Variants in GABRB3 observed in about 807,000 individuals in gnomAD.
The protein encoded by GABRB3 is gamma-aminobutyric acid type A receptor subunit beta3, also known as gamma-aminobutyric acid receptor subunit beta-3.
Under a neutral mutation model 52.1 loss-of-function variants are expected in GABRB3, and 14 were observed. The ratio of observed to expected loss-of-function variants is 0.27; its 90% CI spans 0.18 to 0.42. GABRB3 has a LOEUF of 0.42. Among genes scored for constraint, GABRB3 ranks in the 10% least tolerant of loss-of-function variants. The pLI is 1.00. For synonymous variants in GABRB3, 260 were observed against 232.3 expected (o/e 1.12, Z -1.08); for missense variants, 307 against 609.1 (o/e 0.50, Z 5.22).
chr15:26,700,461 C>T (rs1888892128), intron 3 of GABRB3, among the ~76,000 whole-genome samples: 2 of 152,128 alleles, frequency 1.3e-5, no homozygotes, highest in Non-Finnish European at 2.9e-5. Flanking sequence ...GAACACCTCC[C>T]AGTTTATTCT....
intron 4 of GABRB3, among the ~76,000 whole-genome samples, chr15:26,617,800 A>C (rs1343621992): frequency 1.3e-5 from 2 of 152,090 alleles, no homozygotes; most frequent in Non-Finnish European, 2.9e-5. Context: ...TTAAGCTGAT[A>C]AGCAACTTCA....
At chr15:26,715,202 C>T (rs568045652) in intron 3 of GABRB3, among the ~76,000 whole-genome samples, 2 of 152,290 alleles carry the variant, frequency 1.3e-5, no homozygotes, top group Admixed American at 1.3e-4. Context: ...CCATCCCAGC[C>T]TTGGAACGAG....
intron 3 of GABRB3, among the ~76,000 whole-genome samples, chr15:26,715,013 A>G (rs1394839921): frequency 6.6e-6 from 1 of 152,198 alleles, no homozygotes; most frequent in African/African-American, 2.4e-5. Flanking sequence ...GCCACATAGC[A>G]GTTAGGCACA....
At chr15:26,694,036 G>A (rs1435314621) in intron 3 of GABRB3, among the ~76,000 whole-genome samples, 1 of 152,126 alleles carries the variant, frequency 6.6e-6, no homozygotes, top group Admixed American at 6.5e-5. Flanking sequence ...ATCACTTGAG[G>A]CCAGGAGTTT....
rs560029222 is a variant in GABRB3 at position 26,633,733 on chromosome 15, C to T, written c.241-12199G>A. 1.2e-4 allele frequency among the ~76,000 whole-genome samples: 18 copies of T among 152,274 alleles called. No individual in the cohort carries two copies. The East Asian group carries it at 2.9e-3, about 25-fold the overall frequency. ...ATCACCTTGTAATAGTCTTAAAGCCCGTGCACCTGGAACTGTTTACTTTCC... is the reference window on the plus strand; with the variant it reads ...ATCACCTTGTAATAGTCTTAAAGCCTGTGCACCTGGAACTGTTTACTTTCC... On this transcript the variant is annotated intron_variant, in intron 3 of 8. Coordinates refer to ENST00000311550, the MANE Select transcript of GABRB3 (RefSeq NM_000814.6).
At chr15:26,690,526 C>T (rs1256387067) in intron 3 of GABRB3, among the ~76,000 whole-genome samples, 1 of 152,012 alleles carries the variant, frequency 6.6e-6, no homozygotes, top group South Asian at 2.1e-4. Context: ...TCACTCAGCC[C>T]TGGCCTGTTG....
At chr15:26,744,227 G>C (rs1372362289) in intron 3 of GABRB3, among the ~76,000 whole-genome samples, 1 of 152,120 alleles carries the variant, frequency 6.6e-6, no homozygotes, top group African/African-American at 2.4e-5. Context: ...ATTTGAATTT[G>C]ATATTAAAAT....
intron 3 of GABRB3, among the ~76,000 whole-genome samples, chr15:26,659,573 T>C (rs1449838059): frequency 6.6e-6 from 1 of 152,176 alleles, no homozygotes; most frequent in East Asian, 1.9e-4. Flanking sequence ...AGTATCATGA[T>C]GATGGCAAAT....
chr15:26,661,773 CAGGGGGAA>C (rs1379543821), intron 3 of GABRB3, among the ~76,000 whole-genome samples: 2 of 152,116 alleles, frequency 1.3e-5, no homozygotes, highest in Non-Finnish European at 2.9e-5. Flanking sequence ...CCCAGCTAAG[CAGGGGGAA>C]AGCAAGCCAG....
intron 8 of GABRB3, among the ~76,000 whole-genome samples, chr15:26,552,476 G>A (rs189495098): frequency 3.7e-4 from 56 of 152,330 alleles, no homozygotes; most frequent in African/African-American, 1.3e-3. Context: ...AAGCCCAACA[G>A]TTAAATTCAG....
upstream of GABRB3, chr15:26,773,514 G>T: frequency 3.6e-6 from 2 of 550,540 alleles, no homozygotes; most frequent in Non-Finnish European, 5.8e-6. Context: ...CGCCGAAGTT[G>T]GCCCCGCACG....
chr15:26,718,114 T>C (rs1889545257), intron 3 of GABRB3, among the ~76,000 whole-genome samples: 1 of 152,170 alleles, frequency 6.6e-6, no homozygotes, highest in South Asian at 2.1e-4. Flanking sequence ...TGCACACACC[T>C]GAAAACAAAA....
intron 3 of GABRB3, among the ~76,000 whole-genome samples, chr15:26,644,032 C>T (rs1893283571): frequency 6.6e-6 from 1 of 152,042 alleles, no homozygotes; most frequent in Non-Finnish European, 1.5e-5. Context: ...ACTGAGGGTA[C>T]CCAGGGCAGG....
At chr15:26,557,039 G>C (rs1292634877) in intron 8 of GABRB3, among the ~76,000 whole-genome samples, 2 of 152,232 alleles carry the variant, frequency 1.3e-5, no homozygotes, top group Admixed American at 1.3e-4. Flanking sequence ...AAATGCCCAT[G>C]AACAGTGGAC....
At position 26,544,949 on chromosome 15, in the gene GABRB3, G is replaced by T. The variant is rs577681212; in HGVS notation, c.*2844C>A. 6.6e-6 allele frequency: 1 copy of T among 152,668 alleles called. No individual in the cohort carries two copies. Among genetic ancestry groups the T allele is most frequent in the South Asian group, 2.1e-4 (1 of 4,814 alleles). 9.5% of individuals were successfully genotyped at this position (152,668 alleles called of 1,614,324 possible). A position where few individuals can be genotyped will look rare whatever the true frequency, so the allele number is the denominator to read the frequency against. ...AATTCCTCAACGCGACTCAGTCACTGGCTCAAATAACTACTGTGGAGTAAC... is the reference window on the plus strand; with the variant it reads ...AATTCCTCAACGCGACTCAGTCACTTGCTCAAATAACTACTGTGGAGTAAC... On this transcript the variant is annotated 3_prime_UTR_variant, in exon 9 of 9. Coordinates refer to ENST00000311550, the MANE Select transcript of GABRB3 (RefSeq NM_000814.6).
intron 3 of GABRB3, among the ~76,000 whole-genome samples, chr15:26,730,311 G>C (rs1223114030): frequency 3.3e-5 from 5 of 151,962 alleles, no homozygotes; most frequent in Middle Eastern, 3.4e-3. Context: ...CCAGCTACTC[G>C]GGAGGCTGAG....
chr15:26,608,641 C>T (rs1223436599), intron 4 of GABRB3, among the ~76,000 whole-genome samples: 1 of 151,658 alleles, frequency 6.6e-6, no homozygotes, highest in Non-Finnish European at 1.5e-5. Context: ...GGAGAAGGAA[C>T]CTAAAGAGAC....
Position 26,621,201 on chromosome 15 carries a change from G to A in GABRB3, c.461+113C>T, listed in dbSNP as rs904058791. On this transcript the variant is annotated intron_variant, in intron 4 of 8. Transcript: ENST00000311550. This position sits in a 1 kb window ranked among gnomAD's most constrained non-coding sequence, Gnocchi z 4.1. The stretch of plus-strand genomic sequence containing the variant: ...TGCAAAGCTTTAGTGCTTCATAGAT[G>A]CTTCCTAATTTATCTGAGGTCATTG... 2.1e-5 allele frequency: 19 copies of A among 901,590 alleles called. No homozygotes were observed. Among genetic ancestry groups the A allele is most frequent in the Middle Eastern group, 3.2e-4 (1 of 3,086 alleles). The allele number at this position is 901,590 out of a possible 1,614,324, so 55.8% of individuals were successfully genotyped here. A position where few individuals can be genotyped will look rare whatever the true frequency, so the allele number is the denominator to read the frequency against.
intron 4 of GABRB3, chr15:26,615,749 G>A (rs995135011): frequency 2.9e-5 from 33 of 1,123,052 alleles, no homozygotes; most frequent in South Asian, 1.5e-4. Flanking sequence ...CAAAAGAAGC[G>A]TAGAGGAGCT....
Sources: gnomAD v4.1 joint callset for allele counts (sites outside exome capture counted in the v4.1 genomes callset) on GRCh38, gnomAD v4.1.1 for gene constraint, Gnocchi (gnomAD v3.1) non-coding constraint, MANE v1.5 for transcripts, NCBI Gene and HGNC (gene_info 2026-07-23, HGNC 2026-07-21) for gene names.